Variants in USH2A observed in about 807,000 individuals in gnomAD.
USH2A encodes the protein usherin, also known as Usher syndrome 2A (autosomal recessive, mild).
In USH2A, 443 loss-of-function variants were observed where a neutral mutation model predicts 538.9. The ratio of observed to expected loss-of-function variants is 0.82; its 90% CI spans 0.76 to 0.89. USH2A has a LOEUF of 0.89. USH2A is among the 40% of genes least tolerant of loss of function. The pLI is 0.00. For synonymous variants in USH2A, 2,413 were observed against 2,273.5 expected, an observed-to-expected ratio of 1.06 and a Z score of -1.75; for missense variants, 6,633 against 6,324.8, an observed-to-expected ratio of 1.05 and a Z score of -1.65.
intron 30 of USH2A, among the ~76,000 whole-genome samples, chr1:216,066,057 T>C (rs1333198895): frequency 6.6e-6 from 1 of 152,192 alleles, no homozygotes; most frequent in African/African-American, 2.4e-5. Context: ...TTTTGCCTTT[T>C]AAATTTGCAA....
rs1227869354 is a variant in USH2A at position 216,245,481 on chromosome 1, GAGAGAGAGAGAGAGA to G, written c.2809+1089_2809+1103del. Reference sequence around the variant, plus strand: ...GTAAAGTCCCCTTCTGAGAGAGAGAGAGAGAGAGAGAGAGAGAGAGAGAGAGAGAGAGAGAGACAA... The same window carrying G: ...GTAAAGTCCCCTTCTGAGAGAGAGAGGAGAGAGAGAGAGAGAGAGAGACAA... On this transcript the variant is annotated intron_variant, in intron 13 of 71. Coordinates refer to ENST00000307340, the MANE Select transcript of USH2A (RefSeq NM_206933.4). Among the ~76,000 whole-genome samples the G allele has an allele frequency of 3.8e-3, 464 of 122,912 alleles. 1 individual carries two copies. Among genetic ancestry groups the G allele is most frequent in the African/African-American group, 0.013 (444 of 35,456 alleles). 80.6% of individuals were successfully genotyped at this position (122,912 alleles called of 152,430 possible). A position where few individuals can be genotyped will look rare whatever the true frequency, so the allele number is the denominator to read the frequency against.
intron 38 of USH2A, among the ~76,000 whole-genome samples, chr1:215,913,101 G>C (rs985161938): frequency 2.0e-5 from 3 of 152,108 alleles, no homozygotes; most frequent in African/African-American, 7.2e-5. Flanking sequence ...AAACATTTGT[G>C]ATAAAACTGT....
At chr1:216,008,253 G>C (rs1310221550) in intron 32 of USH2A, among the ~76,000 whole-genome samples, 1 of 151,902 alleles carries the variant, frequency 6.6e-6, no homozygotes, top group Non-Finnish European at 1.5e-5. Flanking sequence ...TGAAAGAAGT[G>C]AAAATGGCCT....
intron 61 of USH2A, among the ~76,000 whole-genome samples, chr1:215,680,881 T>C (rs979894249): frequency 6.6e-6 from 1 of 152,134 alleles, no homozygotes; most frequent in Non-Finnish European, 1.5e-5. Flanking sequence ...TCTCTTGGCA[T>C]GTATATATAT....
chr1:216,127,231 G>A (rs1165427941), intron 21 of USH2A, among the ~76,000 whole-genome samples: 2 of 152,154 alleles, frequency 1.3e-5, no homozygotes, highest in African/African-American at 4.8e-5. Flanking sequence ...CTATGCTCAA[G>A]TTCTTCTTAA....
intron 40 of USH2A, among the ~76,000 whole-genome samples, chr1:215,897,108 C>T (rs542270585): frequency 6.6e-6 from 1 of 152,088 alleles, no homozygotes; most frequent in Non-Finnish European, 1.5e-5. Context: ...TTTCCCTGTC[C>T]ATGATAACTT....
In USH2A at chr1:215,878,879, T is replaced by C. The variant is rs780543913; in HGVS notation, c.8443A>G (p.Thr2815Ala). 11 of 1,613,860 alleles carry C rather than the reference T, an allele frequency of 6.8e-6. No individual in the cohort carries two copies. In the East Asian group the frequency reaches 2.5e-4, roughly 36 times the overall value. ...GCTESLPTYV[T>A]THPTVPQNVG... ...TTCTGAGGTACGGTGGGGTGAGTGG[T>C]AACATAGGTAGGTAAACTCTCTGTG... Residue 2815 changes from threonine to alanine, a missense_variant, in exon 42 of 72, where the codon ACC becomes GCC. Thr to Ala is a moderately conservative substitution (Grantham distance 58). Coordinates refer to ENST00000307340, the MANE Select transcript of USH2A (RefSeq NM_206933.4).
At chr1:216,029,876 G>A (rs1669052573) in intron 32 of USH2A, among the ~76,000 whole-genome samples, 1 of 150,952 alleles carries the variant, frequency 6.6e-6, no homozygotes, top group African/African-American at 2.4e-5. Context: ...CAAAAGAAAT[G>A]TTCATCACAG....
At chr1:215,763,328 T>C (rs1661033522) in intron 56 of USH2A, among the ~76,000 whole-genome samples, 1 of 152,182 alleles carries the variant, frequency 6.6e-6, no homozygotes, top group Non-Finnish European at 1.5e-5. Context: ...AAGGGTAACC[T>C]GACACAGACT....
intron 21 of USH2A, among the ~76,000 whole-genome samples, chr1:216,100,162 C>T (rs150213492): frequency 1.3e-5 from 2 of 152,226 alleles, no homozygotes; most frequent in South Asian, 2.1e-4. Context: ...GAAAAACTTA[C>T]GGAGCTGGTA....
intron 31 of USH2A, 54 bp downstream of exon 31, chr1:216,048,480 A>AT: frequency 6.5e-7 from 1 of 1,548,022 alleles, no homozygotes. Context: ...CTCTTCTCCT[A>AT]TTTTATTATT....
intron 14 of USH2A, among the ~76,000 whole-genome samples, chr1:216,231,249 T>TATATATTATATATATAA (rs1553318102): frequency 1.2e-5 from 1 of 83,746 alleles, no homozygotes; most frequent in African/African-American, 4.6e-5. Flanking sequence ...TATATATATA[T>TATATATTATATATATAA]TATATATATA....
intron 14 of USH2A, among the ~76,000 whole-genome samples, chr1:216,229,072 G>A (rs1026979479): frequency 6.6e-6 from 1 of 151,918 alleles, no homozygotes; most frequent in East Asian, 1.9e-4. Flanking sequence ...TACTCAGGAG[G>A]CTGAGGCAGG....
intron 71 of USH2A, among the ~76,000 whole-genome samples, chr1:215,628,344 G>A (rs181501774): frequency 7.2e-5 from 11 of 152,084 alleles, no homozygotes; most frequent in East Asian, 5.8e-4. Context: ...GTGCAGTGGC[G>A]CGGTCTCGGC....
intron 21 of USH2A, among the ~76,000 whole-genome samples, chr1:216,157,672 G>A (rs1359620044): frequency 1.3e-5 from 2 of 152,090 alleles, no homozygotes; most frequent in Non-Finnish European, 2.9e-5. Flanking sequence ...ACAGCAACAT[G>A]GATGCAGTTG....
intron 55 of USH2A, among the ~76,000 whole-genome samples, chr1:215,773,024 A>C (rs566657492): frequency 6.6e-6 from 1 of 152,222 alleles, no homozygotes; most frequent in Non-Finnish European, 1.5e-5. Flanking sequence ...AGTCCTTGCT[A>C]ATGATACAGG....
chr1:215,650,836 A>AAG (rs1657050227), intron 64 of USH2A, 35 bp from the exon 65 acceptor site: 1 of 1,592,788 alleles, frequency 6.3e-7, no homozygotes. Context: ...GTCAAAAGCA[A>AAG]GATACCCTAA....
chr1:216,274,395 T>G (rs1571647797), intron 11 of USH2A, among the ~76,000 whole-genome samples: 2 of 152,088 alleles, frequency 1.3e-5, no homozygotes, highest in African/African-American at 4.8e-5. Context: ...ATATCTATAT[T>G]TATTTGTCTA....
At chr1:216,221,595 C>T (rs1003932817) in intron 14 of USH2A, among the ~76,000 whole-genome samples, 16 of 152,152 alleles carry the variant, frequency 1.1e-4, no homozygotes, top group African/African-American at 2.9e-4. Context: ...TGCAACCCCA[C>T]CCTCTTTGGT....
Sources: allele counts gnomAD v4.1 joint callset (sites outside exome capture counted in the v4.1 genomes callset), GRCh38; gene constraint gnomAD v4.1.1; transcripts MANE v1.5; gene names NCBI Gene and HGNC (gene_info 2026-07-23, HGNC 2026-07-21).